FGD2: variants seen among roughly 807,000 people sequenced by gnomAD.
FGD2 encodes FYVE, RhoGEF and PH domain containing 2, also known as FYVE, RhoGEF and PH domain-containing protein 2.
A neutral mutation model predicts 75.9 loss-of-function variants in FGD2; 52 were observed. The ratio of observed to expected loss-of-function variants is 0.69; its 90% confidence interval spans 0.55 to 0.86. The LOEUF (loss-of-function observed/expected upper bound fraction) is 0.86, where lower values mean the gene tolerates loss of function less well. FGD2 is among the 40% of genes least tolerant of loss of function. FGD2 has a pLI of 0.00. For synonymous variants in FGD2, 347 were observed against 348.6 expected (o/e 1.00, Z 0.05); for missense variants, 790 against 872.0 (o/e 0.91, Z 1.18).
rs781196997 is a variant in FGD2, at chr6:37,028,615, C to CTTCTTTTTTTTTTT, written c.*454_*455insCTTTTTTTTTTTTT. 7.6e-5 allele frequency: 6 copies of CTTCTTTTTTTTTTT among 79,026 alleles called. No individual in the cohort carries two copies. The highest frequency in any genetic ancestry group is 3.3e-4 in the African/African-American group (6 of 18,144). The allele number at this position is 79,026 out of a possible 1,614,324, so 4.9% of individuals were successfully genotyped here. A position where few individuals can be genotyped will look rare whatever the true frequency, so the allele number is the denominator to read the frequency against. Reference sequence around the variant, plus strand: ...GGCTGAGTTGGGGGAGGCATGGGGTCTTTTTTTTTTTTTTTTTGAGACAGA... The same window carrying CTTCTTTTTTTTTTT: ...GGCTGAGTTGGGGGAGGCATGGGGTCTTCTTTTTTTTTTTTTTTTTTTTTTTTTTTTGAGACAGA... On this transcript the variant is annotated 3_prime_UTR_variant, in exon 16 of 16. Transcript: ENST00000274963.
intron 2 of FGD2, 105 bp downstream of exon 2, chr6:37,009,170 G>T (rs4714032): frequency 0.21 from 234,508 of 1,134,336 alleles, 27,454 homozygotes; most frequent in East Asian, 0.51. Context: ...TTCCCCAGGT[G>T]GGGGTATGGT....
In FGD2 at chr6:37,008,857, G is replaced by A; in HGVS notation, c.92G>A (p.Gly31Asp). The A allele has an allele frequency of 6.2e-7, 1 of 1,602,426 alleles. No homozygotes were observed. Among genetic ancestry groups the A allele is most frequent in the Non-Finnish European group, 8.5e-7 (1 of 1,171,722 alleles). ...AGGACCCCAGAAGCAGCACCCAGAG[G>A]CCAGAGGCTAGAGGACGTGCATCAC... ...NSRTPEAAPRGQRLEDVHHRP... is the reference protein window; with the variant it reads ...NSRTPEAAPRDQRLEDVHHRP... Residue 31 changes from glycine to aspartate, a missense_variant, in exon 2 of 16, where the codon GGC becomes GAC. Gly to Asp is a moderately conservative substitution (Grantham distance 94, BLOSUM62 -1). Transcript: ENST00000274963.
At chr6:37,016,207 G>A (rs1258159140) in intron 9 of FGD2, among the ~76,000 whole-genome samples, 1 of 152,174 alleles carries the variant, frequency 6.6e-6, no homozygotes, top group Non-Finnish European at 1.5e-5. Flanking sequence ...CAGGAGGTCT[G>A]GGTGGGGGGG....
intron 9 of FGD2, among the ~76,000 whole-genome samples, chr6:37,018,897 G>A (rs1207699812): frequency 1.3e-5 from 2 of 152,180 alleles, no homozygotes; most frequent in African/African-American, 2.4e-5. Context: ...ACTAGCAGGG[G>A]ACTGAATTGA....
At chr6:37,011,505 T>A (rs1765002824) in intron 3 of FGD2, 2 of 668,720 alleles carry the variant, frequency 3.0e-6, no homozygotes, top group Non-Finnish European at 5.0e-6. Flanking sequence ...AGTCCCTGCA[T>A]CTCTAGGCTT....
intron 11 of FGD2, among the ~76,000 whole-genome samples, chr6:37,021,173 C>T (rs1166134136): frequency 6.6e-6 from 1 of 151,952 alleles, no homozygotes; most frequent in Non-Finnish European, 1.5e-5. Context: ...TGTGTGCATG[C>T]TCCCACACCT....
At chr6:37,010,896 G>T in intron 2 of FGD2, 77 bp from the exon 3 acceptor site, 1 of 1,426,436 alleles carries the variant, frequency 7.0e-7, no homozygotes, top group South Asian at 1.2e-5. Context: ...TTTGGAGACT[G>T]AACCGAGGTC....
intron 9 of FGD2, among the ~76,000 whole-genome samples, chr6:37,016,102 T>G (rs914570459): frequency 3.9e-5 from 6 of 152,116 alleles, no homozygotes; most frequent in African/African-American, 1.2e-4. Context: ...CAGCTTGGCC[T>G]TTCTGTGCTT....
At chr6:37,007,402 G>T (rs992490946) in intron 1 of FGD2, among the ~76,000 whole-genome samples, 1 of 152,188 alleles carries the variant, frequency 6.6e-6, no homozygotes, top group Non-Finnish European at 1.5e-5. Context: ...CTTGGGTGCC[G>T]CCTTCCTGGC....
At chr6:37,020,881 T>C (rs1024472921) in intron 11 of FGD2, 142 bp downstream of exon 11, 8 of 976,666 alleles carry the variant, frequency 8.2e-6, no homozygotes, top group Non-Finnish European at 1.2e-5. Context: ...GAGTGGTGTA[T>C]GTATGCATGT....
chr6:37,018,269 A>C (rs547908575), intron 9 of FGD2, among the ~76,000 whole-genome samples: 2 of 152,174 alleles, frequency 1.3e-5, no homozygotes, highest in Admixed American at 6.5e-5. Flanking sequence ...AGAGCTCACC[A>C]GCCCTGTGTG....
chr6:37,021,719 G>T, intron 12 of FGD2, 115 bp downstream of exon 12: 1 of 953,222 alleles, frequency 1.0e-6, no homozygotes, highest in South Asian at 1.6e-5. Context: ...TGCCAGGAGA[G>T]ACTGAAGGGA....
At chr6:37,008,734 T>A (rs1764864578) in intron 1 of FGD2, 100 bp from the exon 2 acceptor site, 12 of 1,190,766 alleles carry the variant, frequency 1.0e-5, no homozygotes, top group Non-Finnish European at 1.2e-5. Flanking sequence ...GCCCCTGCAC[T>A]GGGGATTTGC....
rs746564018 is a variant in FGD2, at chr6:37,014,952, G to A, written c.943G>A (p.Asp315Asn). The A allele has an allele frequency of 6.2e-7, 1 of 1,614,134 alleles. No homozygotes were observed. Among genetic ancestry groups the A allele is most frequent in the Admixed American group, 1.7e-5 (1 of 60,020 alleles). Residue 315 changes from aspartate to asparagine, a missense_variant, in exon 8 of 16, where the codon GAC becomes AAC. By Grantham distance (23) the Asp-to-Asn change is conservative. Transcript: ENST00000274963. Reference sequence around the variant, plus strand: ...CCTGGGCCTCGAGGACGACATAGTAGACCCCTCTAACACCCTGCTCCGTGA... The same window carrying A: ...CCTGGGCCTCGAGGACGACATAGTAAACCCCTCTAACACCCTGCTCCGTGA... The part of the protein sequence containing the change: ...QRLGLEDDIV[D>N]PSNTLLREGP...
Position 37,020,954 on chromosome 6 carries a change from GTGTC to G in FGD2, c.1233+219_1233+222del, listed in dbSNP as rs1026267062. On this transcript the variant is annotated intron_variant, in intron 11 of 15. Transcript: ENST00000274963. ...TGTGTGCATCTGTGTGTGCATGTCT[GTGTC>G]TGTGTGTTTGTGTGTGTGTTTGTGT... 5.3e-5 allele frequency among the ~76,000 whole-genome samples: 8 copies of G among 150,602 alleles called. No homozygotes were observed. In the South Asian group the frequency reaches 6.3e-4, roughly 12 times the overall value.
chr6:37,013,846 T>C, intron 5 of FGD2, 81 bp downstream of exon 5: 1 of 1,587,882 alleles, frequency 6.3e-7, no homozygotes, highest in Admixed American at 1.7e-5. Context: ...ATTCCGGGCA[T>C]CTCCCAGGCT....
intron 4 of FGD2, chr6:37,013,246 GT>G (rs1765109923): frequency 5.1e-6 from 1 of 194,918 alleles, no homozygotes; most frequent in African/African-American, 2.4e-5. Context: ...CACCTACAGG[GT>G]TGTGAGAATT....
rs199824158 is a variant in FGD2, at chr6:37,025,958, C to G, written c.1605+20C>G. 5 of 1,613,098 alleles carry G rather than the reference C, an allele frequency of 3.1e-6. No individual in the cohort carries two copies. Among genetic ancestry groups the G allele is most frequent in the Non-Finnish European group, 3.4e-6 (4 of 1,179,658 alleles). On this transcript the variant is annotated intron_variant, in intron 14 of 15. Transcript: ENST00000274963. ...CTGGAGGTGAGGGCCACTGTCCCCG[C>G]GCTCACCATCCGTCCTCTGTTCAGG...
intron 6 of FGD2, 63 bp from the exon 7 acceptor site, chr6:37,014,576 TCAAGGAC>T: frequency 6.3e-7 from 1 of 1,583,830 alleles, no homozygotes; most frequent in Admixed American, 1.7e-5. Context: ...TTGTTGAACT[TCAAGGAC>T]CTCCTGCCCC....
Sources: gnomAD v4.1 joint callset for allele counts (sites outside exome capture counted in the v4.1 genomes callset) on GRCh38, gnomAD v4.1.1 for gene constraint, MANE v1.5 for transcripts, NCBI Gene and HGNC (gene_info 2026-07-23, HGNC 2026-07-21) for gene names.